The following LHFPL6 variants were observed in gnomAD, a reference collection of about 807,000 sequenced individuals.
The protein encoded by LHFPL6 is LHFPL tetraspan subfamily member 6, also known as LHFPL tetraspan subfamily member 6 protein.
LHFPL6 carries 9 observed loss-of-function variants against 20.6 expected under a neutral mutation model. The ratio of observed to expected loss-of-function variants is 0.44; its 90% confidence interval spans 0.26 to 0.76. LHFPL6 has a LOEUF of 0.76. Among genes scored for constraint, LHFPL6 ranks in the 30% least tolerant of loss-of-function variants. The pLI, the probability that LHFPL6 is intolerant of heterozygous loss-of-function variation, is 0.20. For missense variants in LHFPL6, 218 were observed against 253.5 expected (o/e 0.86, Z 0.95); for synonymous variants, 105 against 98.7 (o/e 1.06, Z -0.38).
intron 2 of LHFPL6, among the ~76,000 whole-genome samples, chr13:39,420,971 C>A (rs775352620): frequency 4.7e-4 from 71 of 152,138 alleles, no homozygotes; most frequent in Admixed American, 7.9e-4. Context: ...TTTCCCCCCC[C>A]TCAAAACTAG....
At chr13:39,550,904 T>C (rs554719691) in intron 2 of LHFPL6, among the ~76,000 whole-genome samples, 1 of 152,076 alleles carries the variant, frequency 6.6e-6, no homozygotes. Context: ...ATCAGAAAAA[T>C]TGTGAAATAC....
intron 2 of LHFPL6, among the ~76,000 whole-genome samples, chr13:39,527,592 T>C (rs1472150529): frequency 6.6e-6 from 1 of 152,170 alleles, no homozygotes; most frequent in African/African-American, 2.4e-5. Flanking sequence ...CTTCCTGATA[T>C]GGGAATCAAA....
chr13:39,549,878 G>A (rs1871096925), intron 2 of LHFPL6, among the ~76,000 whole-genome samples: 1 of 152,052 alleles, frequency 6.6e-6, no homozygotes, highest in African/African-American at 2.4e-5. Flanking sequence ...CAACATGGAT[G>A]AATCTCAAAT....
chr13:39,547,244 G>A (rs1386002696), intron 2 of LHFPL6, among the ~76,000 whole-genome samples: 3 of 152,000 alleles, frequency 2.0e-5, no homozygotes, highest in Non-Finnish European at 4.4e-5. Flanking sequence ...TTTCTCCCAA[G>A]ATAGAGTTAC....
intron 2 of LHFPL6, among the ~76,000 whole-genome samples, chr13:39,495,193 G>A (rs1236816357): frequency 6.6e-6 from 1 of 152,204 alleles, no homozygotes; most frequent in Non-Finnish European, 1.5e-5. Context: ...TTCGCTATGT[G>A]TTGCTTTGAG....
Position 39,565,756 on chromosome 13 carries a change from T to C in LHFPL6, c.385+35076A>G, listed in dbSNP as rs750368563. Among the ~76,000 whole-genome samples, 54 of 152,212 alleles carry C rather than the reference T, an allele frequency of 3.5e-4. 1 individual carries two copies. Among genetic ancestry groups the C allele is most frequent in the Admixed American group, 2.0e-4 (3 of 15,280 alleles). On this transcript the variant is annotated intron_variant, in intron 2 of 3. Transcript: ENST00000379589. ...TTTGAAAAACTGAGAACTATTTGCA[T>C]GAGAATTATCACTCTGAAGCAAGCA...
intron 2 of LHFPL6, among the ~76,000 whole-genome samples, chr13:39,507,270 C>T (rs1461242809): frequency 6.6e-6 from 1 of 152,226 alleles, no homozygotes; most frequent in Admixed American, 6.5e-5. Flanking sequence ...CACATGAAAT[C>T]AGGCCATTGC....
chr13:39,393,703 C>A (rs1870768363), intron 2 of LHFPL6, among the ~76,000 whole-genome samples: 1 of 152,180 alleles, frequency 6.6e-6, no homozygotes, highest in Admixed American at 6.5e-5. Context: ...GCTAAGACTG[C>A]AATCACAAAA....
intron 2 of LHFPL6, among the ~76,000 whole-genome samples, chr13:39,385,524 TA>T (rs1162234933): frequency 6.6e-6 from 1 of 152,266 alleles, no homozygotes; most frequent in African/African-American, 2.4e-5. Flanking sequence ...ACACTGGCCG[TA>T]AACCACCTAC....
At position 39,494,992 on chromosome 13, in the gene LHFPL6, C is replaced by T. The variant is rs187216969; in HGVS notation, c.385+105840G>A. Reference sequence around the variant, plus strand: ...GCCTATACTGCCCCACCACTGCATACGCCAACCTCAGGCCTTGAGTTAGAA... The same window carrying T: ...GCCTATACTGCCCCACCACTGCATATGCCAACCTCAGGCCTTGAGTTAGAA... On this transcript the variant is annotated intron_variant, in intron 2 of 3. Coordinates refer to ENST00000379589, the MANE Select transcript of LHFPL6 (RefSeq NM_005780.3). 3.4e-3 allele frequency among the ~76,000 whole-genome samples: 523 copies of T among 152,296 alleles called. 2 individuals are homozygous for T. Among genetic ancestry groups the T allele is most frequent in the South Asian group, 0.027 (129 of 4,812 alleles).
chr13:39,420,306 T>C (rs1871448098), intron 2 of LHFPL6, among the ~76,000 whole-genome samples: 4 of 152,200 alleles, frequency 2.6e-5, no homozygotes, highest in Admixed American at 2.6e-4. Flanking sequence ...TGAACCTCTT[T>C]AGGTAGGTTT....
chr13:39,422,869 G>A (rs1341984038), intron 2 of LHFPL6, among the ~76,000 whole-genome samples: 2 of 152,084 alleles, frequency 1.3e-5, no homozygotes, highest in Non-Finnish European at 2.9e-5. Context: ...GAGGCCTCAG[G>A]AAACTTACAA....
chr13:39,546,557 GCCATCTGGGTTTTACAACCCT>G (rs1218593400), intron 2 of LHFPL6, among the ~76,000 whole-genome samples: 1 of 152,060 alleles, frequency 6.6e-6, no homozygotes, highest in Non-Finnish European at 1.5e-5. Flanking sequence ...GGATAAACCA[GCCATCTGGGTTTTACAACCCT>G]CCAGCTGGGT....
intron 2 of LHFPL6, among the ~76,000 whole-genome samples, chr13:39,503,914 G>C (rs200364075): frequency 2.0e-5 from 3 of 152,118 alleles, no homozygotes; most frequent in African/African-American, 4.8e-5. Flanking sequence ...AAAAGTTCTT[G>C]AAGAGTCTAA....
Position 39,470,306 on chromosome 13 carries a change from G to A in LHFPL6, c.386-91780C>T, listed in dbSNP as rs543860990. 2.7e-4 allele frequency among the ~76,000 whole-genome samples: 41 copies of A among 152,120 alleles called. 1 individual carries two copies. The South Asian group carries it at 7.9e-3, about 29-fold the overall frequency. On this transcript the variant is annotated intron_variant, in intron 2 of 3. Transcript: ENST00000379589. ...TGTTTAATTTGTTAAGAAAGCTCTT[G>A]CCAAATTTTGAGCAAAATTAGCTTC...
chr13:39,476,377 A>T (rs1402689321), intron 2 of LHFPL6, among the ~76,000 whole-genome samples: 17 of 152,220 alleles, frequency 1.1e-4, no homozygotes. Flanking sequence ...AATTTAAAAT[A>T]AAAATTTGAA....
At chr13:39,549,227 C>T (rs1336043174) in intron 2 of LHFPL6, among the ~76,000 whole-genome samples, 6 of 152,002 alleles carry the variant, frequency 3.9e-5, no homozygotes, top group Non-Finnish European at 8.8e-5. Context: ...AACGAAAGTG[C>T]AAAGGCAGTT....
At chr13:39,591,181 G>A (rs934119859) in intron 2 of LHFPL6, among the ~76,000 whole-genome samples, 11 of 152,040 alleles carry the variant, frequency 7.2e-5, no homozygotes, top group East Asian at 3.8e-4. Context: ...AACTCAAAAC[G>A]GGGAAAAACT....
intron 2 of LHFPL6, among the ~76,000 whole-genome samples, chr13:39,445,033 C>A (rs1270327576): frequency 6.6e-6 from 1 of 152,196 alleles, no homozygotes; most frequent in African/African-American, 2.4e-5. Flanking sequence ...GTGAGTTTGT[C>A]ATTATCACAG....
Sources: gnomAD v4.1 joint callset for allele counts (sites outside exome capture counted in the v4.1 genomes callset) on GRCh38, gnomAD v4.1.1 for gene constraint, MANE v1.5 for transcripts, NCBI Gene and HGNC (gene_info 2026-07-23, HGNC 2026-07-21) for gene names.